The following RUBCNL variants were observed in gnomAD, a reference collection of about 807,000 sequenced individuals.
The protein encoded by RUBCNL is protein associated with UVRAG as autophagy enhancer.
RUBCNL carries 62 observed loss-of-function variants against 69.5 expected under a neutral mutation model. The ratio of observed to expected loss-of-function variants is 0.89; its 90% CI spans 0.73 to 1.10. RUBCNL has a LOEUF of 1.10. Ranked by LOEUF, RUBCNL falls within the 50% of genes least tolerant of loss-of-function variation. The probability of loss-of-function intolerance (pLI) is 0.00; values close to 1 mark genes in which losing one functional copy is unlikely to be tolerated. For synonymous variants in RUBCNL, 291 were observed against 303.6 expected, an observed-to-expected ratio of 0.96 and a Z score of 0.43; for missense variants, 768 against 798.1, an observed-to-expected ratio of 0.96 and a Z score of 0.45.
At chr13:46,378,965 C>A (rs1049320899) in intron 1 of RUBCNL, among the ~76,000 whole-genome samples, 1 of 152,132 alleles carries the variant, frequency 6.6e-6, no homozygotes. Context: ...CTGGTAATTG[C>A]CCCTCCCAAA....
At position 46,335,285 on chromosome 13, in the gene RUBCNL, T is replaced by C. The variant is rs1320284963; in HGVS notation, c.*8100A>G. On this transcript the variant is annotated 3_prime_UTR_variant, in exon 15 of 15. Transcript: ENST00000429979. ...GTTTTTTTTTTTTTTTTTTTTTTTTTAAGAGACAGGGTCTCGCTATGTTGC... is the reference window on the plus strand; with the variant it reads ...GTTTTTTTTTTTTTTTTTTTTTTTTCAAGAGACAGGGTCTCGCTATGTTGC... Among the ~76,000 whole-genome samples the C allele has an allele frequency of 1.4e-5, 2 of 140,526 alleles. No individual in the cohort carries two copies. The highest frequency in any genetic ancestry group is 1.4e-4 in the Admixed American group (2 of 13,854). 92.2% of individuals were successfully genotyped at this position (140,526 alleles called of 152,430 possible). A position where few individuals can be genotyped will look rare whatever the true frequency, so the allele number is the denominator to read the frequency against.
chr13:46,387,567 C>T (rs2049280647), upstream of RUBCNL: 1 of 985,482 alleles, frequency 1.0e-6, no homozygotes, highest in Non-Finnish European at 1.2e-6. Flanking sequence ...GCAGAAATGA[C>T]TTCCCAACCC....
rs1335948400 is a variant in RUBCNL at position 46,386,511 on chromosome 13, G to GGATCTGTATCAGTCTCA, written c.-239+606_-239+622dup. ...AAGCGGACAGCATCAAGTTCGCAGGGGATCTGTATCAGTCTCAGCAGGTGG... is the reference window on the plus strand; with the variant it reads ...AAGCGGACAGCATCAAGTTCGCAGGGGATCTGTATCAGTCTCAGATCTGTATCAGTCTCAGCAGGTGG... On this transcript the variant is annotated intron_variant, in intron 1 of 14. Coordinates refer to ENST00000429979, the MANE Select transcript of RUBCNL (RefSeq NM_025113.5). 4.0e-5 allele frequency among the ~76,000 whole-genome samples: 6 copies of GGATCTGTATCAGTCTCA among 151,494 alleles called. No individual in the cohort carries two copies. In the East Asian group the frequency reaches 1.2e-3, roughly 30 times the overall value.
Position 46,338,082 on chromosome 13 carries a change from G to A in RUBCNL, c.*5303C>T, listed in dbSNP as rs561199664. On this transcript the variant is annotated 3_prime_UTR_variant, in exon 15 of 15. Transcript: ENST00000429979. The stretch of plus-strand genomic sequence containing the variant: ...GAGCATGTGTGTGCACGTGCAGTAC[G>A]CTGAAGAATGGGCAAGATCGGGAGG... Among the ~76,000 whole-genome samples the A allele has an allele frequency of 4.6e-5, 7 of 152,328 alleles. No homozygotes were observed. In the East Asian group the frequency reaches 7.7e-4, roughly 17 times the overall value.
Position 46,366,376 on chromosome 13 carries a change from A to G in RUBCNL, c.826+1666T>C, listed in dbSNP as rs200590217. On this transcript the variant is annotated intron_variant, in intron 5 of 14. Coordinates refer to ENST00000429979, the MANE Select transcript of RUBCNL (RefSeq NM_025113.5). ...AAACTAGATGCCAGGGGTGGGTAGA[A>G]GTAGGTAGGCTACAGAAAAAGAATG... 1.1e-4 allele frequency among the ~76,000 whole-genome samples: 16 copies of G among 152,308 alleles called. No individual in the cohort carries two copies. The East Asian group carries it at 2.9e-3, about 28-fold the overall frequency.
Position 46,359,633 on chromosome 13 carries a change from T to G in RUBCNL, c.1120-2A>C, listed in dbSNP as rs775512743. 5.1e-6 allele frequency: 8 copies of G among 1,567,774 alleles called. No individual in the cohort carries two copies. The East Asian group carries it at 1.8e-4, about 36-fold the overall frequency. On this transcript the variant is annotated splice_acceptor_variant, in intron 8 of 14. Coordinates refer to ENST00000429979, the MANE Select transcript of RUBCNL (RefSeq NM_025113.5). LOFTEE classifies it high-confidence loss of function. ...TCGGACACACTCTTCATTTACGACC[T>G]GCATAAGACATAAAATGATTTAGGA...
intron 4 of RUBCNL, 89 bp downstream of exon 4, chr13:46,368,644 A>C: frequency 1.5e-6 from 2 of 1,340,424 alleles, no homozygotes; most frequent in Non-Finnish European, 2.1e-6. Flanking sequence ...GTAATGATTC[A>C]TCAAATTGAA....
chr13:46,363,663 G>C (rs1233062335), intron 5 of RUBCNL, among the ~76,000 whole-genome samples: 1 of 151,794 alleles, frequency 6.6e-6, no homozygotes, highest in African/African-American at 2.4e-5. Context: ...GTCCAGCCTG[G>C]GCAACATGGC....
rs1454452475 is a variant in RUBCNL at position 46,368,621 on chromosome 13, A to G, written c.618+112T>C. 11 of 1,306,116 alleles carry G rather than the reference A, an allele frequency of 8.4e-6. No homozygotes were observed. In the East Asian group the frequency reaches 2.6e-4, roughly 31 times the overall value. 80.9% of individuals were successfully genotyped at this position (1,306,116 alleles called of 1,614,324 possible). A position where few individuals can be genotyped will look rare whatever the true frequency, so the allele number is the denominator to read the frequency against. ...CAGTCTCCATCAATCAAATGCTGAA[A>G]GGAAACCTATTTGTAATGATTCATC... On this transcript the variant is annotated intron_variant, in intron 4 of 14. Coordinates refer to ENST00000429979, the MANE Select transcript of RUBCNL (RefSeq NM_025113.5).
rs1473392002 is a variant in RUBCNL, at chr13:46,363,102, T to C, written c.925+13A>G. ...AGGCAGCCAGTCACATCCAAACAGT[T>C]TCCAAATCTTACCTAAAATAACAAA... On this transcript the variant is annotated intron_variant, in intron 6 of 14. Transcript: ENST00000429979. 1.3e-6 allele frequency: 2 copies of C among 1,564,968 alleles called. No homozygotes were observed. Among genetic ancestry groups the C allele is most frequent in the Admixed American group, 3.5e-5 (2 of 57,176 alleles).
At chr13:46,387,476 C>CCT, upstream of RUBCNL, 1 of 985,568 alleles carries the variant, frequency 1.0e-6, no homozygotes, top group Non-Finnish European at 1.2e-6. Context: ...CCTATGCGCG[C>CCT]CTCTGCCGGT....
chr13:46,381,722 A>G (rs556358942), intron 1 of RUBCNL, among the ~76,000 whole-genome samples: 1 of 152,280 alleles, frequency 6.6e-6, no homozygotes, highest in African/African-American at 2.4e-5. Context: ...AGCTGGGATT[A>G]CAGGCATGCG....
At position 46,341,529 on chromosome 13, in the gene RUBCNL, G is replaced by C. The variant is rs1348917593; in HGVS notation, c.*1856C>G. Among the ~76,000 whole-genome samples the C allele has an allele frequency of 6.6e-6, 1 of 152,068 alleles. No individual in the cohort carries two copies. The highest frequency in any genetic ancestry group is 1.9e-4 in the East Asian group (1 of 5,192). On this transcript the variant is annotated 3_prime_UTR_variant, in exon 15 of 15. Transcript: ENST00000429979. ...AGAAAATCAAAAGCATCACTTCCTG[G>C]CAACTGCTGTGCACTCTTCCTTAAT...
upstream of RUBCNL, among the ~76,000 whole-genome samples, chr13:46,388,356 G>A (rs868834987): frequency 7.8e-4 from 115 of 146,618 alleles, no homozygotes; most frequent in Middle Eastern, 0.021. Context: ...AGGAAGGAAG[G>A]AAAGCAAAGA....
rs1196034014 is a variant in RUBCNL at position 46,341,310 on chromosome 13, C to T, written c.*2075G>A. 6.6e-6 allele frequency among the ~76,000 whole-genome samples: 1 copy of T among 152,186 alleles called. No homozygotes were observed. Among genetic ancestry groups the T allele is most frequent in the Non-Finnish European group, 1.5e-5 (1 of 68,034 alleles). On this transcript the variant is annotated 3_prime_UTR_variant, in exon 15 of 15. Transcript: ENST00000429979. ...GAGTTGAACAGAAAACCCACACAAT[C>T]AGGAAGACCCATTAAACAGCTATAT...
At chr13:46,366,180 C>T (rs894843338) in intron 5 of RUBCNL, among the ~76,000 whole-genome samples, 1 of 152,198 alleles carries the variant, frequency 6.6e-6, no homozygotes, top group East Asian at 1.9e-4. Context: ...AGGGCACGAT[C>T]GTCCATATCA....
At chr13:46,367,610 A>C (rs2048786501) in intron 5 of RUBCNL, among the ~76,000 whole-genome samples, 1 of 152,200 alleles carries the variant, frequency 6.6e-6, no homozygotes, top group African/African-American at 2.4e-5. Flanking sequence ...TTTTTAGACA[A>C]AGGATTTAAA....
At chr13:46,366,387 T>TA (rs2048755790) in intron 5 of RUBCNL, among the ~76,000 whole-genome samples, 1 of 152,044 alleles carries the variant, frequency 6.6e-6, no homozygotes, top group Non-Finnish European at 1.5e-5. Context: ...GTAGGTAGGC[T>TA]ACAGAAAAAG....
intron 10 of RUBCNL, among the ~76,000 whole-genome samples, chr13:46,353,940 T>C (rs2048426957): frequency 6.6e-6 from 1 of 152,348 alleles, no homozygotes; most frequent in Non-Finnish European, 1.5e-5. Context: ...AGTGCTACCA[T>C]ACTGCATAGT....
Sources: allele counts gnomAD v4.1 joint callset (sites outside exome capture counted in the v4.1 genomes callset), GRCh38; gene constraint gnomAD v4.1.1; transcripts MANE v1.5; gene names NCBI Gene and HGNC (gene_info 2026-07-23, HGNC 2026-07-21).